The following PPM1H variants were observed in gnomAD, a reference collection of about 807,000 sequenced individuals.
PPM1H encodes the protein protein phosphatase, Mg2+/Mn2+ dependent 1H.
PPM1H carries 27 observed loss-of-function variants against 54.9 expected under a neutral mutation model. The ratio of observed to expected loss-of-function variants is 0.49; its 90% CI spans 0.36 to 0.68. The LOEUF is 0.68. Among genes scored for constraint, PPM1H ranks in the 30% least tolerant of loss-of-function variants. PPM1H has a pLI of 0.00. For synonymous variants in PPM1H, 305 were observed against 270.8 expected, an observed-to-expected ratio of 1.13 and a Z score of -1.24; for missense variants, 596 against 667.8, an observed-to-expected ratio of 0.89 and a Z score of 1.19.
chr12:62,840,051 C>CAGAGAGAGAGAGAGAGAGAGAGAGAG (rs202055824), intron 1 of PPM1H: 6 of 130,480 alleles, frequency 4.6e-5, no homozygotes, highest in Non-Finnish European at 8.4e-5. Context: ...TCTAGAGAGA[C>CAGAGAGAGAGAGAGAGAGAGAGAGAG]AGAGAGAGAG....
At chr12:62,715,970 C>G (rs1298463874) in intron 6 of PPM1H, among the ~76,000 whole-genome samples, 1 of 152,042 alleles carries the variant, frequency 6.6e-6, no homozygotes, top group Non-Finnish European at 1.5e-5. Context: ...AAATGTACAC[C>G]GAAGCTCGAA....
intron 8 of PPM1H, among the ~76,000 whole-genome samples, chr12:62,676,464 C>T (rs2075986967): frequency 6.6e-6 from 1 of 152,154 alleles, no homozygotes; most frequent in Admixed American, 6.5e-5. Flanking sequence ...GGTGCAGCCA[C>T]CCAACCATGG....
chr12:62,712,519 G>T (rs1170672468), intron 6 of PPM1H, among the ~76,000 whole-genome samples: 3 of 152,224 alleles, frequency 2.0e-5, no homozygotes, highest in Non-Finnish European at 2.9e-5. Flanking sequence ...GATTTACACT[G>T]GGGTGGGACT....
In PPM1H at chr12:62,934,178, GT is replaced by G. The variant is rs893245217; in HGVS notation, c.245+313del. ...TTCAAACTTCAGAGCTTTTCTGCCCGTTTTTTTTCCCCAAGTGACAGAGACC... is the reference window on the plus strand; with the variant it reads ...TTCAAACTTCAGAGCTTTTCTGCCCGTTTTTTTCCCCAAGTGACAGAGACC... On this transcript the variant is annotated intron_variant, in intron 1 of 9. Coordinates refer to ENST00000228705, the MANE Select transcript of PPM1H (RefSeq NM_020700.2). This position sits in a 1 kb window ranked among gnomAD's most constrained non-coding sequence, Gnocchi z 4.2. 5.3e-5 allele frequency: 17 copies of G among 321,104 alleles called. No homozygotes were observed. Among genetic ancestry groups the G allele is most frequent in the East Asian group, 1.1e-4 (2 of 18,716 alleles). 19.9% of individuals were successfully genotyped at this position (321,104 alleles called of 1,614,324 possible).
chr12:62,788,836 CCA>C (rs770938555), intron 3 of PPM1H, among the ~76,000 whole-genome samples: 11 of 151,886 alleles, frequency 7.2e-5, no homozygotes, highest in Non-Finnish European at 1.5e-5. Flanking sequence ...AGCAATCCTC[CCA>C]CCTCAGCCTT....
At chr12:62,871,511 C>CTTT (rs375570472) in intron 1 of PPM1H, among the ~76,000 whole-genome samples, 2 of 119,160 alleles carry the variant, frequency 1.7e-5, no homozygotes, top group African/African-American at 3.1e-5. Context: ...AACTGTGGTA[C>CTTT]TTTTTTTTTT....
At chr12:62,929,719 G>T (rs1872075089) in intron 1 of PPM1H, among the ~76,000 whole-genome samples, 1 of 152,050 alleles carries the variant, frequency 6.6e-6, no homozygotes, top group Non-Finnish European at 1.5e-5. Context: ...CACCTAAGGG[G>T]GATGATTTCT....
chr12:62,839,072 C>A (rs1047951269), intron 1 of PPM1H, among the ~76,000 whole-genome samples: 3 of 151,890 alleles, frequency 2.0e-5, no homozygotes, highest in South Asian at 2.1e-4. Context: ...AATGAATTTG[C>A]TGTGGTGTTT....
intron 3 of PPM1H, among the ~76,000 whole-genome samples, chr12:62,800,179 A>G (rs771979131): frequency 3.3e-5 from 5 of 152,230 alleles, no homozygotes; most frequent in Non-Finnish European, 7.3e-5. Context: ...GACGATATGT[A>G]TAGTCATTAT....
intron 4 of PPM1H, among the ~76,000 whole-genome samples, chr12:62,746,402 G>A (rs975564573): frequency 1.3e-5 from 2 of 152,092 alleles, no homozygotes; most frequent in Non-Finnish European, 2.9e-5. Flanking sequence ...CAGTAACACT[G>A]ATAAAGCAAA....
chr12:62,691,027 A>G (rs1373296475), intron 7 of PPM1H, among the ~76,000 whole-genome samples: 1 of 152,204 alleles, frequency 6.6e-6, no homozygotes, highest in Non-Finnish European at 1.5e-5. Flanking sequence ...GGGAGATAAG[A>G]GGGAGATGTG....
intron 1 of PPM1H, among the ~76,000 whole-genome samples, chr12:62,866,366 A>G (rs943536797): frequency 1.3e-5 from 2 of 152,174 alleles, no homozygotes; most frequent in Non-Finnish European, 2.9e-5. Context: ...CATCCCTTCA[A>G]AAAGTGAAGC....
At chr12:62,649,020 G>C (rs926594529) in intron 9 of PPM1H, among the ~76,000 whole-genome samples, 1 of 152,108 alleles carries the variant, frequency 6.6e-6, no homozygotes, top group Non-Finnish European at 1.5e-5. Flanking sequence ...GGAAAAATCA[G>C]AACTTTTGTT....
chr12:62,713,861 C>T (rs2076221333), intron 6 of PPM1H, among the ~76,000 whole-genome samples: 2 of 151,884 alleles, frequency 1.3e-5, no homozygotes, highest in Admixed American at 1.3e-4. Context: ...ACCAGCTACT[C>T]AAGAGGCTGA....
intron 3 of PPM1H, among the ~76,000 whole-genome samples, chr12:62,793,919 GGAAAGCAATATCTGGTAGCA>G (rs914482195): frequency 1.3e-5 from 2 of 152,136 alleles, no homozygotes; most frequent in Non-Finnish European, 2.9e-5. Context: ...GGTTGCAAAA[GGAAAGCAATATCTGGTAGCA>G]GAAAGGAGCA....
At chr12:62,712,582 C>T (rs770812113) in intron 6 of PPM1H, among the ~76,000 whole-genome samples, 5 of 152,076 alleles carry the variant, frequency 3.3e-5, no homozygotes, top group African/African-American at 4.8e-5. Flanking sequence ...GGTAAATTTC[C>T]GAAGATTGGG....
intron 4 of PPM1H, among the ~76,000 whole-genome samples, chr12:62,778,754 G>A (rs1427859232): frequency 6.6e-6 from 1 of 151,968 alleles, no homozygotes; most frequent in Non-Finnish European, 1.5e-5. Context: ...CCAGTATAGT[G>A]AGACCCCATC....
At chr12:62,782,911 T>A (rs1015099781) in intron 4 of PPM1H, among the ~76,000 whole-genome samples, 1 of 152,180 alleles carries the variant, frequency 6.6e-6, no homozygotes, top group African/African-American at 2.4e-5. Context: ...CACTGCAGCC[T>A]TGACATCTCT....
chr12:62,816,127 G>C (rs1002633388), intron 2 of PPM1H, among the ~76,000 whole-genome samples: 1 of 152,122 alleles, frequency 6.6e-6, no homozygotes, highest in Non-Finnish European at 1.5e-5. Context: ...TTCTCAAAGA[G>C]ATTTTCCTGC....
Sources: allele counts gnomAD v4.1 joint callset (sites outside exome capture counted in the v4.1 genomes callset), GRCh38; gene constraint gnomAD v4.1.1; non-coding constraint Gnocchi (gnomAD v3.1); transcripts MANE v1.5; gene names NCBI Gene and HGNC (gene_info 2026-07-23, HGNC 2026-07-21).